The following GMPS variants were observed in gnomAD, a reference collection of about 807,000 sequenced individuals.
GMPS encodes guanosine monophosphate synthase.
Under a neutral mutation model 77.9 loss-of-function variants are expected in GMPS, and 15 were observed. That is an observed-to-expected ratio of 0.19 (90% CI 0.13 to 0.30). The LOEUF is 0.30. Ranked by LOEUF, GMPS falls within the 10% of genes least tolerant of loss-of-function variation. The pLI is 1.00. For missense variants in GMPS, 590 were observed against 838.8 expected (o/e 0.70, Z 3.66); for synonymous variants, 224 against 275.9 (o/e 0.81, Z 1.86).
chr3:155,916,369 CTGT>C (rs756483960), intron 9 of GMPS, among the ~76,000 whole-genome samples, 177 bp downstream of exon 9: 27 of 152,196 alleles, frequency 1.8e-4, no homozygotes, highest in Non-Finnish European at 3.4e-4. Context: ...CTCGTTCTAC[CTGT>C]TGTTGTCATT....
chr3:155,897,524 T>G (rs1754631404), intron 2 of GMPS, among the ~76,000 whole-genome samples: 1 of 152,212 alleles, frequency 6.6e-6, no homozygotes, highest in African/African-American at 2.4e-5. Context: ...TCATAATACC[T>G]TCAGTTGTTG....
intron 9 of GMPS, 68 bp downstream of exon 9, chr3:155,916,260 C>G: frequency 1.0e-6 from 1 of 953,050 alleles, no homozygotes; most frequent in Admixed American, 2.0e-5. Flanking sequence ...CCCTCCTCTT[C>G]CCTCTAATAT....
rs771303919 is a variant in GMPS, at chr3:155,926,102, C to A, written c.1560+736C>A. ...TCATGGCGTACTGTAGCCCTGAATT[C>A]CTGGGTTCAAGCGACCCTACTACCT... is the stretch of plus-strand genomic sequence containing the variant. On this transcript the variant is annotated intron_variant, in intron 12 of 15. Transcript: ENST00000496455. 2.0e-5 allele frequency among the ~76,000 whole-genome samples: 3 copies of A among 152,088 alleles called. No homozygotes were observed. In the East Asian group the frequency reaches 5.8e-4, roughly 29 times the overall value.
chr3:155,942,104 T>TTG lies in GMPS; in HGVS notation c.*4413_*4414insGT, dbSNP rs1190830441. The TTG allele has an allele frequency of 5.2e-6, 1 of 193,666 alleles. No homozygotes were observed. Among genetic ancestry groups the TTG allele is most frequent in the African/African-American group, 2.3e-5 (1 of 43,120 alleles). The allele number at this position is 193,666 out of a possible 1,614,324, so 12.0% of individuals were successfully genotyped here. Reference sequence around the variant, plus strand: ...CAAGCATTTACAGTTTTGTTTTGTTTTTTTTTTAAGACAGAGTCTCGCTCT... The same window carrying TTG: ...CAAGCATTTACAGTTTTGTTTTGTTTTGTTTTTTTAAGACAGAGTCTCGCTCT... On this transcript the variant is annotated 3_prime_UTR_variant, in exon 16 of 16. Transcript: ENST00000496455.
At chr3:155,923,871 G>T (rs1755385898) in intron 11 of GMPS, among the ~76,000 whole-genome samples, 1 of 146,486 alleles carries the variant, frequency 6.8e-6, no homozygotes, top group African/African-American at 2.5e-5. Flanking sequence ...GAGAACCATT[G>T]TTTTTTTTTT....
At chr3:155,873,975 C>T (rs1753967761) in intron 1 of GMPS, among the ~76,000 whole-genome samples, 1 of 152,094 alleles carries the variant, frequency 6.6e-6, no homozygotes, top group Non-Finnish European at 1.5e-5. Flanking sequence ...GATTTTGGTG[C>T]ACCCATCACC....
At position 155,941,418 on chromosome 3, in the gene GMPS, A is replaced by AAAT; in HGVS notation, c.*3726_*3727insAAT. On this transcript the variant is annotated 3_prime_UTR_variant, in exon 16 of 16. Coordinates refer to ENST00000496455, the MANE Select transcript of GMPS (RefSeq NM_003875.3). ...ACTCAGTCTCAAAAAAAAAAAAAAA[A>AAAT]GGAAGTTCTTAGTGTGTAATTGACC... 5.2e-6 allele frequency: 1 copy of AAAT among 191,758 alleles called. No individual in the cohort carries two copies. Among genetic ancestry groups the AAAT allele is most frequent in the East Asian group, 8.3e-5 (1 of 12,088 alleles). 11.9% of individuals were successfully genotyped at this position (191,758 alleles called of 1,614,324 possible).
chr3:155,926,253 T>G (rs1755452464), intron 12 of GMPS, among the ~76,000 whole-genome samples: 1 of 152,198 alleles, frequency 6.6e-6, no homozygotes, highest in African/African-American at 2.4e-5. Flanking sequence ...CCTCAAGTGA[T>G]CCTTCACTTT....
At chr3:155,913,393 G>A (rs536351834) in intron 7 of GMPS, among the ~76,000 whole-genome samples, 2 of 152,240 alleles carry the variant, frequency 1.3e-5, no homozygotes, top group African/African-American at 4.8e-5. Flanking sequence ...AGACACTAGG[G>A]TGTGATTCCA....
At position 155,925,343 on chromosome 3, in the gene GMPS, C is replaced by A. The variant is rs2108131414; in HGVS notation, c.1537C>A (p.Pro513Thr). 1 of 1,610,092 alleles carries A rather than the reference C, an allele frequency of 6.2e-7. No individual in the cohort carries two copies. The highest frequency in any genetic ancestry group is 8.5e-7 in the Non-Finnish European group (1 of 1,177,052). The change falls in exon 12 of 16, where the codon CCA (proline) becomes ACA (threonine). Residue 513 changes from proline (P) to threonine (T), a missense_variant. Pro to Thr is a conservative substitution (Grantham distance 38). Transcript: ENST00000496455. ...SLHSLNAFLLPIKTVGVQGDC... is the reference protein window; with the variant it reads ...SLHSLNAFLLTIKTVGVQGDC... ...GCATTCACTGAATGCCTTCTTGCTG[C>A]CAATTAAAACTGTAGGTGTGCAGGT... is the stretch of plus-strand genomic sequence containing the variant.
intron 14 of GMPS, among the ~76,000 whole-genome samples, chr3:155,935,780 A>G (rs981401831): frequency 2.6e-5 from 4 of 152,190 alleles, no homozygotes; most frequent in African/African-American, 9.7e-5. Flanking sequence ...GTTCCTAAGC[A>G]CAGGAATGCT....
intron 12 of GMPS, among the ~76,000 whole-genome samples, chr3:155,930,183 C>CAG (rs1034587705): frequency 1.4e-5 from 2 of 146,682 alleles, no homozygotes; most frequent in African/African-American, 5.0e-5. Flanking sequence ...TGGAACAGAA[C>CAG]AGAGCCCTCA....
chr3:155,888,810 C>G (rs1185179821), intron 1 of GMPS, among the ~76,000 whole-genome samples: 1 of 152,068 alleles, frequency 6.6e-6, no homozygotes, highest in Non-Finnish European at 1.5e-5. Context: ...GTCTCGAACT[C>G]CTGACCTCAG....
chr3:155,899,905 T>C (rs1194286381), intron 3 of GMPS, among the ~76,000 whole-genome samples: 1 of 152,226 alleles, frequency 6.6e-6, no homozygotes, highest in Non-Finnish European at 1.5e-5. Flanking sequence ...AGTTCTTCCA[T>C]GTCTTTTCAG....
In GMPS at chr3:155,941,078, A is replaced by T. The variant is rs79141249; in HGVS notation, c.*3386A>T. On this transcript the variant is annotated 3_prime_UTR_variant, in exon 16 of 16. Coordinates refer to ENST00000496455, the MANE Select transcript of GMPS (RefSeq NM_003875.3). ...TTTCTGATTCTCTGCATGGAAGAGGAAATGCTCTAGGGCCCTTCAGGGCAA... is the reference window on the plus strand; with the variant it reads ...TTTCTGATTCTCTGCATGGAAGAGGTAATGCTCTAGGGCCCTTCAGGGCAA... 0.058 allele frequency: 10,952 copies of T among 188,772 alleles called. 452 individuals carry two copies. The highest frequency in any genetic ancestry group is 0.17 in the South Asian group (878 of 5,116). 11.7% of individuals were successfully genotyped at this position (188,772 alleles called of 1,614,324 possible). A position where few individuals can be genotyped will look rare whatever the true frequency, so the allele number is the denominator to read the frequency against.
At chr3:155,924,694 T>C (rs1347688187) in intron 11 of GMPS, among the ~76,000 whole-genome samples, 3 of 152,162 alleles carry the variant, frequency 2.0e-5, no homozygotes, top group Admixed American at 1.3e-4. Flanking sequence ...TTCAACTATA[T>C]TGATAACCTA....
intron 3 of GMPS, among the ~76,000 whole-genome samples, chr3:155,900,024 G>A (rs183317790): frequency 7.8e-4 from 118 of 152,188 alleles, no homozygotes; most frequent in African/African-American, 2.7e-3. Context: ...ATCTACTAAC[G>A]TCTTGGTGAC....
chr3:155,910,616 A>G (rs1755014418), intron 5 of GMPS, 76 bp from the exon 6 acceptor site: 3 of 613,098 alleles, frequency 4.9e-6, no homozygotes, highest in Non-Finnish European at 8.2e-6. Flanking sequence ...AGAGATTGTG[A>G]GAAATTAATT....
At chr3:155,915,229 T>C (rs898781011) in intron 8 of GMPS, among the ~76,000 whole-genome samples, 2 of 141,558 alleles carry the variant, frequency 1.4e-5, no homozygotes, top group East Asian at 4.2e-4. Context: ...TTCACATACC[T>C]TTGTTTTTGT....
Sources: allele counts gnomAD v4.1 joint callset (sites outside exome capture counted in the v4.1 genomes callset), GRCh38; gene constraint gnomAD v4.1.1; transcripts MANE v1.5; gene names NCBI Gene and HGNC (gene_info 2026-07-23, HGNC 2026-07-21).